PEX5L: variants seen among roughly 807,000 people sequenced by gnomAD.
The protein encoded by PEX5L is PEX5-related protein.
Under a neutral mutation model 84.0 loss-of-function variants are expected in PEX5L, and 30 were observed. That is an observed-to-expected ratio of 0.36 (90% confidence interval 0.27 to 0.48). The LOEUF is 0.48. Among genes scored for constraint, PEX5L ranks in the 20% least tolerant of loss-of-function variants. The pLI is 0.99. For missense variants in PEX5L, 533 were observed against 754.6 expected (o/e 0.71, Z 3.44); for synonymous variants, 270 against 283.1 (o/e 0.95, Z 0.46).
At chr3:179,967,539 G>A (rs1290337014) in intron 2 of PEX5L, among the ~76,000 whole-genome samples, 1 of 152,098 alleles carries the variant, frequency 6.6e-6, no homozygotes, top group Admixed American at 6.6e-5. Flanking sequence ...GCTTAGAGAG[G>A]TTCAAGATTA....
Position 179,820,020 on chromosome 3 carries a change from C to G in PEX5L, c.823-44G>C. ...GAATGGAGATGGATTTAAGAACATG[C>G]CACATCATCTGTGTTTTTCTTCCCC... On this transcript the variant is annotated intron_variant, in intron 8 of 14. Coordinates refer to ENST00000467460, the MANE Select transcript of PEX5L (RefSeq NM_016559.3). The G allele has an allele frequency of 3.1e-6, 5 of 1,612,078 alleles. No individual in the cohort carries two copies. The East Asian group carries it at 1.1e-4, about 36-fold the overall frequency.
chr3:179,973,946 T>G (rs774010887), intron 1 of PEX5L: 22 of 985,256 alleles, frequency 2.2e-5, no homozygotes, highest in Non-Finnish European at 2.7e-5. Flanking sequence ...TAAGCAATAT[T>G]TTCTAGTTCA....
At chr3:179,871,109 T>C (rs1750202763) in intron 7 of PEX5L, among the ~76,000 whole-genome samples, 1 of 147,682 alleles carries the variant, frequency 6.8e-6, no homozygotes, top group Non-Finnish European at 1.5e-5. Context: ...ACTTTTTTTT[T>C]TTTTTTTTTT....
At chr3:179,997,518 T>C (rs1306456151) in intron 1 of PEX5L, among the ~76,000 whole-genome samples, 2 of 152,164 alleles carry the variant, frequency 1.3e-5, no homozygotes, top group Non-Finnish European at 2.9e-5. Context: ...TGCCTCTACC[T>C]AGAAAAATAG....
chr3:180,012,742 T>A (rs1789596038), intron 1 of PEX5L, among the ~76,000 whole-genome samples: 1 of 152,144 alleles, frequency 6.6e-6, no homozygotes, highest in African/African-American at 2.4e-5. Flanking sequence ...ATATATAGCA[T>A]ACTTTTGAAG....
At chr3:179,810,095 C>A (rs1012525470) in intron 11 of PEX5L, among the ~76,000 whole-genome samples, 3 of 138,588 alleles carry the variant, frequency 2.2e-5, no homozygotes, top group Non-Finnish European at 4.6e-5. Flanking sequence ...CTCACTGCAA[C>A]CTCTGCCACC....
At chr3:179,911,844 C>T (rs1418965614) in intron 2 of PEX5L, among the ~76,000 whole-genome samples, 1 of 152,054 alleles carries the variant, frequency 6.6e-6, no homozygotes, top group Non-Finnish European at 1.5e-5. Flanking sequence ...ATCTATCCAA[C>T]CACAGTTATA....
intron 2 of PEX5L, among the ~76,000 whole-genome samples, chr3:179,918,215 C>T (rs924147982): frequency 6.6e-6 from 1 of 152,130 alleles, no homozygotes; most frequent in Admixed American, 6.5e-5. Flanking sequence ...ATGTTGTCAG[C>T]CATGACCCTC....
At chr3:179,998,613 G>A (rs1293603956) in intron 1 of PEX5L, among the ~76,000 whole-genome samples, 1 of 152,164 alleles carries the variant, frequency 6.6e-6, no homozygotes, top group Non-Finnish European at 1.5e-5. Context: ...CTGAACGTTT[G>A]ACAATGGTTC....
chr3:179,815,924 C>A lies in PEX5L; in HGVS notation c.1020G>T (p.Gly340=), dbSNP rs779908708. 1.9e-6 allele frequency: 3 copies of A among 1,614,094 alleles called. No individual in the cohort carries two copies. In the South Asian group the frequency reaches 3.3e-5, roughly 18 times the overall value. ...FEEGLKRLKE[G]DLPVTILFME... ...TGAACAGGATGGTGACTGGCAGATC[C>A]CCTTCCTTCAGCCTTTTTAAGCCTT... The change falls in exon 10 of 15, where the codon GGG becomes GGT. Residue 340 remains glycine, a synonymous_variant. Transcript: ENST00000467460.
At chr3:179,809,910 A>C (rs1347183391) in intron 11 of PEX5L, among the ~76,000 whole-genome samples, 1 of 150,902 alleles carries the variant, frequency 6.6e-6, no homozygotes, top group Non-Finnish European at 1.5e-5. Flanking sequence ...AAGTAGCTTT[A>C]AAACTATGTG....
At chr3:179,839,329 A>C (rs1736162346) in intron 8 of PEX5L, among the ~76,000 whole-genome samples, 1 of 152,244 alleles carries the variant, frequency 6.6e-6, no homozygotes, top group Non-Finnish European at 1.5e-5. Flanking sequence ...CATATTTTTC[A>C]AATGGTGACA....
intron 1 of PEX5L, among the ~76,000 whole-genome samples, chr3:180,011,707 T>G (rs1789506859): frequency 6.6e-6 from 1 of 152,194 alleles, no homozygotes; most frequent in Admixed American, 6.5e-5. Context: ...CCCCCATAAC[T>G]GAAATATGAG....
chr3:179,818,303 A>G (rs1195557976), intron 9 of PEX5L, among the ~76,000 whole-genome samples: 1 of 151,908 alleles, frequency 6.6e-6, no homozygotes, highest in Non-Finnish European at 1.5e-5. Flanking sequence ...GTGGGTACCT[A>G]ATAGGTATAT....
At chr3:179,861,817 C>A (rs1746253799) in intron 7 of PEX5L, among the ~76,000 whole-genome samples, 1 of 115,868 alleles carries the variant, frequency 8.6e-6, no homozygotes, top group Non-Finnish European at 1.8e-5. Flanking sequence ...AATTTATACT[C>A]TTTGCAAAAG....
chr3:179,887,788 A>C lies in PEX5L; in HGVS notation c.199-4T>G, dbSNP rs1172204474. 1.9e-6 allele frequency: 3 copies of C among 1,597,260 alleles called. No homozygotes were observed. The highest frequency in any genetic ancestry group is 2.6e-6 in the Non-Finnish European group (3 of 1,164,836). The stretch of plus-strand genomic sequence containing the variant: ...TTTCTTGTTGCTCATTCACCAGCTG[A>C]GAACAAATGAACAGAGGTGTCAAAG... On this transcript the variant is annotated splice_polypyrimidine_tract_variant and splice_region_variant and intron_variant, in intron 3 of 14. Coordinates refer to ENST00000467460, the MANE Select transcript of PEX5L (RefSeq NM_016559.3).
chr3:180,023,472 AAGAAAT>A (rs1299365618), intron 1 of PEX5L, among the ~76,000 whole-genome samples: 1 of 152,176 alleles, frequency 6.6e-6, no homozygotes, highest in Non-Finnish European at 1.5e-5. Flanking sequence ...TTGGCTTCGT[AAGAAAT>A]ATCAAGCTTC....
At position 179,949,214 on chromosome 3, in the gene PEX5L, T is replaced by G. The variant is rs559248380; in HGVS notation, c.93+22380A>C. On this transcript the variant is annotated intron_variant, in intron 2 of 14. Transcript: ENST00000467460. ...TAAAGTACAGAACTGAAGAGTAGAT[T>G]TTTAAAAAAAAAATAAGTAGTTTTA... is the stretch of plus-strand genomic sequence containing the variant. Among the ~76,000 whole-genome samples the G allele has an allele frequency of 2.3e-4, 35 of 152,208 alleles. No homozygotes were observed. The South Asian group carries it at 7.1e-3, about 31-fold the overall frequency.
chr3:179,933,006 A>G (rs1194417493), intron 2 of PEX5L, among the ~76,000 whole-genome samples: 2 of 151,406 alleles, frequency 1.3e-5, no homozygotes, highest in African/African-American at 4.9e-5. Context: ...CATATCCCCA[A>G]CTCCCTCCAG....
Sources: gnomAD v4.1 joint callset for allele counts (sites outside exome capture counted in the v4.1 genomes callset) on GRCh38, gnomAD v4.1.1 for gene constraint, MANE v1.5 for transcripts, NCBI Gene and HGNC (gene_info 2026-07-23, HGNC 2026-07-21) for gene names.